FRAS1: variants seen among roughly 807,000 people sequenced by gnomAD.
The protein encoded by FRAS1 is extracellular matrix organizing protein FRAS1.
Under a neutral mutation model 435.2 loss-of-function variants are expected in FRAS1, and 290 were observed. That is an observed-to-expected ratio of 0.67 (90% CI 0.61 to 0.73). The LOEUF (loss-of-function observed/expected upper bound fraction) is 0.73. FRAS1 is among the 30% of genes least tolerant of loss of function. FRAS1 has a pLI of 0.00. For missense variants in FRAS1, 4,860 were observed against 5,001.5 expected (o/e 0.97, Z 0.85); for synonymous variants, 1,800 against 1,851.0 (o/e 0.97, Z 0.71).
intron 24 of FRAS1, among the ~76,000 whole-genome samples, chr4:78,373,863 C>T (rs532163756): frequency 1.8e-4 from 28 of 152,084 alleles, no homozygotes; most frequent in Non-Finnish European, 2.6e-4. Context: ...GTGGGTAGGA[C>T]AGTATATCAA....
At chr4:78,476,515 C>T (rs568858982) in intron 54 of FRAS1, among the ~76,000 whole-genome samples, 1 of 152,010 alleles carries the variant, frequency 6.6e-6, no homozygotes, top group Non-Finnish European at 1.5e-5. Flanking sequence ...CAACACAGAT[C>T]TCTGTAAAGA....
chr4:78,271,455 C>A (rs1407728542), intron 9 of FRAS1, among the ~76,000 whole-genome samples: 2 of 151,640 alleles, frequency 1.3e-5, no homozygotes, highest in Non-Finnish European at 2.9e-5. Context: ...CTAATGCTAT[C>A]CCTCCCCCCT....
chr4:78,183,775 T>TGTGC (rs55783941), intron 2 of FRAS1, among the ~76,000 whole-genome samples: 11 of 150,714 alleles, frequency 7.3e-5, no homozygotes, highest in African/African-American at 2.5e-4. Context: ...TGTGTGTGTG[T>TGTGC]TTAAATATAT....
intron 2 of FRAS1, among the ~76,000 whole-genome samples, chr4:78,101,232 A>G (rs568270478): frequency 1.1e-3 from 173 of 152,332 alleles, no homozygotes; most frequent in African/African-American, 4.1e-3. Context: ...AGGCTAAAAA[A>G]AAAATGTGAA....
At chr4:78,519,627 G>A in intron 67 of FRAS1, 146 bp downstream of exon 67, 1 of 912,162 alleles carries the variant, frequency 1.1e-6, no homozygotes, top group Non-Finnish European at 1.7e-6. Context: ...GTGCAGATCT[G>A]TGGTTCCTGA....
intron 69 of FRAS1, among the ~76,000 whole-genome samples, chr4:78,523,712 T>C (rs772666182): frequency 1.3e-5 from 2 of 152,198 alleles, no homozygotes; most frequent in Non-Finnish European, 2.9e-5. Flanking sequence ...TCCTTTGAAA[T>C]TGATATCTAA....
In FRAS1 at chr4:78,421,883, C is replaced by T. The variant is rs1733802144; in HGVS notation, c.4561C>T (p.His1521Tyr). 6.2e-7 allele frequency: 1 copy of T among 1,613,534 alleles called. No homozygotes were observed. The highest frequency in any genetic ancestry group is 8.5e-7 in the Non-Finnish European group (1 of 1,179,566). ...CCCAGGTATCATCGAGCACCGGGACCACCCTCACTCTCCTATCCGGTATTT... is the reference window on the plus strand; with the variant it reads ...CCCAGGTATCATCGAGCACCGGGACTACCCTCACTCTCCTATCCGGTATTT... Reference protein sequence around the residue: ...PNQGIIEHRDHPHSPIRYFTQ... With the variant: ...PNQGIIEHRDYPHSPIRYFTQ... Residue 1521 changes from histidine (H) to tyrosine (Y), a missense_variant, in exon 34 of 74, where the codon CAC becomes TAC. Coordinates refer to ENST00000512123, the MANE Select transcript of FRAS1 (RefSeq NM_025074.7).
At chr4:78,254,684 C>T (rs1725705580) in intron 5 of FRAS1, among the ~76,000 whole-genome samples, 1 of 152,046 alleles carries the variant, frequency 6.6e-6, no homozygotes, top group Non-Finnish European at 1.5e-5. Flanking sequence ...TCAACTGGGG[C>T]CAACAACATA....
intron 2 of FRAS1, among the ~76,000 whole-genome samples, chr4:78,110,263 A>G (rs1455001922): frequency 9.9e-6 from 1 of 100,730 alleles, no homozygotes; most frequent in East Asian, 2.5e-4. Context: ...TAAAGTTCAT[A>G]TGGAACCAAA....
intron 2 of FRAS1, chr4:78,068,536 T>G: frequency 2.2e-6 from 1 of 456,224 alleles, no homozygotes; most frequent in Non-Finnish European, 4.4e-6. Context: ...TGTGCAGACT[T>G]TAGCTTGTCC....
intron 2 of FRAS1, among the ~76,000 whole-genome samples, chr4:78,232,565 G>A (rs984968979): frequency 1.3e-5 from 2 of 152,178 alleles, no homozygotes; most frequent in Non-Finnish European, 2.9e-5. Flanking sequence ...GATTACAGGC[G>A]TGAGCCACCG....
At chr4:78,458,364 C>T (rs1719268856) in intron 47 of FRAS1, among the ~76,000 whole-genome samples, 1 of 152,174 alleles carries the variant, frequency 6.6e-6, no homozygotes, top group Admixed American at 6.5e-5. Context: ...TAGTAACAGT[C>T]ATATGAAGCA....
chr4:78,370,084 A>G (rs2110304807), intron 23 of FRAS1, 100 bp downstream of exon 23: 6 of 1,137,562 alleles, frequency 5.3e-6, no homozygotes, highest in Non-Finnish European at 6.3e-6. Context: ...CAGTCATCAT[A>G]TATTTTGACT....
chr4:78,404,318 T>TTTC (rs1733017747), intron 30 of FRAS1, among the ~76,000 whole-genome samples: 2 of 151,998 alleles, frequency 1.3e-5, no homozygotes, highest in African/African-American at 4.8e-5. Context: ...CCAGTAGAGA[T>TTTC]CATTTTCTGT....
rs1397367389 is a variant in FRAS1 at position 78,472,282 on chromosome 4, G to A, written c.7474G>A (p.Val2492Met). Residue 2492 changes from valine to methionine, a missense_variant, in exon 52 of 74, where the codon GTG becomes ATG. Val to Met is a conservative substitution (Grantham distance 21). Transcript: ENST00000512123. The stretch of plus-strand genomic sequence containing the variant: ...AACGACGGGCCCTAAGCATGGCTTT[G>A]TGGAGAACAAGCTGCAGCCTGGCAG... ...EITTGPKHGF[V>M]ENKLQPGRAA... 1 of 1,612,640 alleles carries A rather than the reference G, an allele frequency of 6.2e-7. No individual in the cohort carries two copies. The highest frequency in any genetic ancestry group is 1.7e-5 in the Admixed American group (1 of 59,966).
chr4:78,307,480 G>A (rs953497061), intron 14 of FRAS1, among the ~76,000 whole-genome samples: 3 of 152,188 alleles, frequency 2.0e-5, no homozygotes, highest in Non-Finnish European at 4.4e-5. Context: ...CCGCCTTGCA[G>A]TTTGATCTCA....
At chr4:78,274,852 CA>C (rs1726912367) in intron 9 of FRAS1, among the ~76,000 whole-genome samples, 1 of 152,142 alleles carries the variant, frequency 6.6e-6, no homozygotes, top group South Asian at 2.1e-4. Flanking sequence ...GAGCTGAGTT[CA>C]ATTCCTGGAT....
At position 78,407,709 on chromosome 4, in the gene FRAS1, T is replaced by G. The variant is rs753844042; in HGVS notation, c.4176T>G (p.Asp1392Glu). The change falls in exon 31 of 74, where the codon GAT becomes GAG. Residue 1392 changes from aspartate to glutamate, a missense_variant. Coordinates refer to ENST00000512123, the MANE Select transcript of FRAS1 (RefSeq NM_025074.7). ...ATATGCCTGCAGACAGCCCTGCAGA[T>G]GAAGGGCAGCACCTGCCTGATGGGA... ...LVNMPADSPADEGQHLPDGRT... is the reference protein window; with the variant it reads ...LVNMPADSPAEEGQHLPDGRT... The G allele has an allele frequency of 6.2e-7, 1 of 1,613,626 alleles. No homozygotes were observed. Among genetic ancestry groups the G allele is most frequent in the Non-Finnish European group, 8.5e-7 (1 of 1,179,736 alleles).
chr4:78,475,475 A>T lies in FRAS1; in HGVS notation c.7720A>T (p.Thr2574Ser). The change falls in exon 54 of 74, where the codon ACG becomes TCG. Residue 2574 changes from threonine to serine, a missense_variant. Physicochemically the swap from Thr to Ser is moderately conservative, Grantham distance 58 (BLOSUM62 1). Coordinates refer to ENST00000512123, the MANE Select transcript of FRAS1 (RefSeq NM_025074.7). ...VSEKAGSVSV[T>S]VQRTGNLNQY... Reference sequence around the variant, plus strand: ...TGAGAAGGCAGGGTCTGTCAGTGTCACGGTGCAGAGGACTGGGAACCTGAA... The same window carrying T: ...TGAGAAGGCAGGGTCTGTCAGTGTCTCGGTGCAGAGGACTGGGAACCTGAA... The T allele has an allele frequency of 6.2e-7, 1 of 1,613,900 alleles. No individual in the cohort carries two copies. Among genetic ancestry groups the T allele is most frequent in the Non-Finnish European group, 8.5e-7 (1 of 1,179,836 alleles).
Sources: allele counts gnomAD v4.1 joint callset (sites outside exome capture counted in the v4.1 genomes callset), GRCh38; gene constraint gnomAD v4.1.1; transcripts MANE v1.5; gene names NCBI Gene and HGNC (gene_info 2026-07-23, HGNC 2026-07-21).